Variants in RAP1GDS1 observed in about 807,000 individuals in gnomAD.
RAP1GDS1 encodes Rap1 GTPase-GDP dissociation stimulator 1, also known as RAP1, GTP-GDP dissociation stimulator 1.
RAP1GDS1 carries 35 observed loss-of-function variants against 71.1 expected under a neutral mutation model. That is an observed-to-expected ratio of 0.49 (90% confidence interval 0.38 to 0.65). The LOEUF (loss-of-function observed/expected upper bound fraction) is 0.65. Ranked by LOEUF, RAP1GDS1 falls within the 30% of genes least tolerant of loss-of-function variation. The pLI, the probability that RAP1GDS1 is intolerant of heterozygous loss-of-function variation, is 0.00. For missense variants in RAP1GDS1, 663 were observed against 706.1 expected (o/e 0.94, Z 0.69); for synonymous variants, 229 against 243.1 (o/e 0.94, Z 0.54).
chr4:98,337,629 A>T (rs1325516935), intron 2 of RAP1GDS1, among the ~76,000 whole-genome samples: 1 of 152,224 alleles, frequency 6.6e-6, no homozygotes, highest in Non-Finnish European at 1.5e-5. Flanking sequence ...ATTAAGACAC[A>T]GTGTTTATGG....
intron 1 of RAP1GDS1, among the ~76,000 whole-genome samples, chr4:98,290,399 A>C (rs1156622194): frequency 6.6e-6 from 1 of 152,068 alleles, no homozygotes; most frequent in Non-Finnish European, 1.5e-5. Flanking sequence ...GTTGGTGATG[A>C]TCTTAAGTAC....
intron 5 of RAP1GDS1, 82 bp from the exon 6 acceptor site, chr4:98,391,870 T>G (rs973508273): frequency 8.5e-6 from 11 of 1,290,784 alleles, no homozygotes; most frequent in Admixed American, 3.0e-5. Context: ...ATAGGGAAAA[T>G]AAGAGGTGTT....
chr4:98,264,551 T>G (rs1293264676), intron 1 of RAP1GDS1, among the ~76,000 whole-genome samples: 2 of 152,232 alleles, frequency 1.3e-5, no homozygotes, highest in Non-Finnish European at 2.9e-5. Flanking sequence ...ATATCAACTG[T>G]GCAGTGTACT....
At chr4:98,307,671 A>T (rs558027854) in intron 2 of RAP1GDS1, among the ~76,000 whole-genome samples, 3 of 152,228 alleles carry the variant, frequency 2.0e-5, no homozygotes, top group Admixed American at 6.6e-5. Flanking sequence ...CTAAGTGATT[A>T]TTGTTAGAGA....
At chr4:98,441,681 C>T in intron 14 of RAP1GDS1, 1 of 905,362 alleles carries the variant, frequency 1.1e-6, no homozygotes, top group Non-Finnish European at 1.3e-6. Context: ...CAGGATGAAT[C>T]CCTTGAGGCT....
chr4:98,363,478 C>CAAAAAAAAAAAAAAAAAAAAAAAAAAAA (rs34393905), intron 4 of RAP1GDS1, among the ~76,000 whole-genome samples: 1 of 37,734 alleles, frequency 2.7e-5, no homozygotes, highest in African/African-American at 9.9e-5. Context: ...GACCCTGTCT[C>CAAAAAAAAAAAAAAAAAAAAAAAAAAAA]AAAAAAAAAA....
chr4:98,371,743 C>T (rs1466396508), intron 4 of RAP1GDS1, among the ~76,000 whole-genome samples: 1 of 152,160 alleles, frequency 6.6e-6, no homozygotes, highest in Non-Finnish European at 1.5e-5. Context: ...CAGGTACGAG[C>T]CTCCGCCCCT....
chr4:98,279,807 G>C (rs1325118161), intron 1 of RAP1GDS1, among the ~76,000 whole-genome samples: 1 of 152,086 alleles, frequency 6.6e-6, no homozygotes, highest in African/African-American at 2.4e-5. Context: ...CCTGCCCTGT[G>C]TCCAAGTGTT....
intron 7 of RAP1GDS1, among the ~76,000 whole-genome samples, chr4:98,405,104 A>G (rs1240846656): frequency 6.6e-6 from 1 of 152,224 alleles, no homozygotes; most frequent in Non-Finnish European, 1.5e-5. Flanking sequence ...ATATTAATAC[A>G]TAAGACAAAA....
intron 3 of RAP1GDS1, among the ~76,000 whole-genome samples, chr4:98,350,770 A>G (rs976670764): frequency 5.9e-5 from 9 of 152,090 alleles, no homozygotes; most frequent in African/African-American, 1.9e-4. Flanking sequence ...CCCAGGGGGC[A>G]GAGGTTGCAG....
At position 98,271,561 on chromosome 4, in the gene RAP1GDS1, A is replaced by C. The variant is rs907685492; in HGVS notation, c.4+9992A>C. 2.0e-5 allele frequency among the ~76,000 whole-genome samples: 3 copies of C among 152,186 alleles called. No homozygotes were observed. In the South Asian group the frequency reaches 6.2e-4, roughly 31 times the overall value. ...TAATCTCATTAGCACATATAATAGT[A>C]AAATGTAAAGTAAGTAGTGATGGTT... is the stretch of plus-strand genomic sequence containing the variant. On this transcript the variant is annotated intron_variant, in intron 1 of 14. Coordinates refer to ENST00000408927, the MANE Select transcript of RAP1GDS1 (RefSeq NM_001100427.2).
intron 1 of RAP1GDS1, among the ~76,000 whole-genome samples, chr4:98,289,554 CAAAAAAA>C (rs6148589): frequency 1.3e-4 from 13 of 101,988 alleles, no homozygotes; most frequent in Non-Finnish European, 1.8e-4. Flanking sequence ...CTCTGGTAAA[CAAAAAAA>C]AAAAAAAAAA....
chr4:98,270,248 A>C (rs1723267802), intron 1 of RAP1GDS1, among the ~76,000 whole-genome samples: 1 of 152,176 alleles, frequency 6.6e-6, no homozygotes, highest in Non-Finnish European at 1.5e-5. Flanking sequence ...TTTAAGTTTC[A>C]ACATGAGTTT....
chr4:98,285,261 C>T (rs78270833), intron 1 of RAP1GDS1, among the ~76,000 whole-genome samples: 2,943 of 152,204 alleles, frequency 0.019, 101 homozygotes, highest in African/African-American at 0.067. Context: ...CCTAAAAAGA[C>T]ATTTGCCTAG....
chr4:98,433,852 C>G, intron 12 of RAP1GDS1, 84 bp from the exon 13 acceptor site: 1 of 1,344,808 alleles, frequency 7.4e-7, no homozygotes, highest in Non-Finnish European at 1.0e-6. Flanking sequence ...CGCAAAACCA[C>G]TCAACAATGA....
chr4:98,289,804 A>C (rs952583176), intron 1 of RAP1GDS1, among the ~76,000 whole-genome samples: 1 of 152,078 alleles, frequency 6.6e-6, no homozygotes, highest in Non-Finnish European at 1.5e-5. Context: ...AGGTGCCCCA[A>C]ATTGACTTAA....
intron 4 of RAP1GDS1, among the ~76,000 whole-genome samples, chr4:98,361,579 G>A (rs1412011961): frequency 6.6e-6 from 1 of 152,020 alleles, no homozygotes; most frequent in Middle Eastern, 3.2e-3. Flanking sequence ...TAGAATTATT[G>A]AACAATTTTA....
chr4:98,422,025 G>A (rs1023551800), intron 12 of RAP1GDS1, among the ~76,000 whole-genome samples: 5 of 151,522 alleles, frequency 3.3e-5, no homozygotes, highest in African/African-American at 9.7e-5. Context: ...GTGAAACCCC[G>A]GGTCTACTAA....
intron 6 of RAP1GDS1, among the ~76,000 whole-genome samples, chr4:98,398,914 A>G (rs1744950736): frequency 6.6e-6 from 1 of 152,162 alleles, no homozygotes; most frequent in Non-Finnish European, 1.5e-5. Context: ...GATGAGGGAA[A>G]CTGAAGAGAA....
Sources: gnomAD v4.1 joint callset for allele counts (sites outside exome capture counted in the v4.1 genomes callset) on GRCh38, gnomAD v4.1.1 for gene constraint, MANE v1.5 for transcripts, NCBI Gene and HGNC (gene_info 2026-07-23, HGNC 2026-07-21) for gene names.